NOP53: variants seen among roughly 807,000 people sequenced by gnomAD.
The protein encoded by NOP53 is ribosome biogenesis protein NOP53.
A neutral mutation model predicts 61.0 loss-of-function variants in NOP53; 40 were observed. That is an observed-to-expected ratio of 0.66 (90% CI 0.51 to 0.85). NOP53 has a LOEUF of 0.85. NOP53 is among the 40% of genes least tolerant of loss of function. The pLI is 0.00. For synonymous variants in NOP53, 308 were observed against 289.5 expected, an observed-to-expected ratio of 1.06 and a Z score of -0.65; for missense variants, 689 against 652.9, an observed-to-expected ratio of 1.06 and a Z score of -0.60.
chr19:47,751,415 G>T, intron 4 of NOP53, 105 bp from the exon 5 acceptor site: 1 of 865,236 alleles, frequency 1.2e-6, no homozygotes, highest in Non-Finnish European at 1.9e-6. Context: ...TCCCTTGCCT[G>T]AGCTTCAGGG....
intron 3 of NOP53, 70 bp downstream of exon 3, chr19:47,750,356 G>A (rs1049508440): frequency 3.2e-6 from 3 of 931,916 alleles, no homozygotes; most frequent in South Asian, 1.3e-5. Flanking sequence ...TCCGGGGCTG[G>A]GGGCTGGTAG....
At chr19:47,751,348 C>T (rs879612714) in intron 4 of NOP53, 172 bp from the exon 5 acceptor site, 26 of 644,766 alleles carry the variant, frequency 4.0e-5, no homozygotes, top group Admixed American at 1.4e-4. Context: ...TTTCTGAACC[C>T]GTCCAGACAC....
In NOP53 at chr19:47,745,567, C is replaced by G. The variant is rs770656655; in HGVS notation, c.8C>G (p.Ala3Gly). Reference protein sequence around the residue: MAAGGSGVGGKRS... With the variant: MAGGGSGVGGKRS... Reference sequence around the variant, plus strand: ...AGTTCTTCCTTTGACAAGATGGCGGCAGGAGGCAGTGGCGTTGGTGGGAAG... The same window carrying G: ...AGTTCTTCCTTTGACAAGATGGCGGGAGGAGGCAGTGGCGTTGGTGGGAAG... Residue 3 changes from alanine (A) to glycine (G), a missense_variant, in exon 1 of 13, where the codon GCA becomes GGA. Ala to Gly is a moderately conservative substitution (Grantham distance 60). Transcript: ENST00000246802. 2 of 1,613,438 alleles carry G rather than the reference C, an allele frequency of 1.2e-6. No individual in the cohort carries two copies. Among genetic ancestry groups the G allele is most frequent in the Non-Finnish European group, 1.7e-6 (2 of 1,179,714 alleles).
intron 6 of NOP53, chr19:47,753,604 G>A (rs560246315): frequency 2.3e-4 from 35 of 152,276 alleles, no homozygotes; most frequent in African/African-American, 7.5e-4. Flanking sequence ...TCCTCATCTG[G>A]TAGAGAAAAG....
chr19:47,746,728 C>T (rs1332770583), intron 1 of NOP53: 1 of 397,622 alleles, frequency 2.5e-6, no homozygotes, highest in Non-Finnish European at 4.6e-6. Context: ...CTCTTGAACT[C>T]CTGACCTCAG....
chr19:47,751,349 G>A (rs1458900492), intron 4 of NOP53, 171 bp from the exon 5 acceptor site: 11 of 648,598 alleles, frequency 1.7e-5, no homozygotes, highest in Non-Finnish European at 3.0e-5. Context: ...TTCTGAACCC[G>A]TCCAGACACA....
chr19:47,755,686 AG>A, intron 9 of NOP53, 69 bp from the exon 10 acceptor site: 4 of 1,440,196 alleles, frequency 2.8e-6, no homozygotes, highest in South Asian at 2.4e-5. Context: ...CTTCTCCAGG[AG>A]GGGGCTTTGG....
chr19:47,754,296 G>C lies in NOP53; in HGVS notation c.766-231G>C. ...CTATCTCAAAAAAAAAATGTGAAGCGTGCAGGTCAGACTGCCTTCACAGAC... is the reference window on the plus strand; with the variant it reads ...CTATCTCAAAAAAAAAATGTGAAGCCTGCAGGTCAGACTGCCTTCACAGAC... On this transcript the variant is annotated intron_variant, in intron 6 of 12. Coordinates refer to ENST00000246802, the MANE Select transcript of NOP53 (RefSeq NM_015710.5). The surrounding 1 kb of genome is among the most constrained non-coding windows in gnomAD (Gnocchi z 4.2). 6 of 533,350 alleles carry C rather than the reference G, an allele frequency of 1.1e-5. No homozygotes were observed. Among genetic ancestry groups the C allele is most frequent in the Non-Finnish European group, 2.0e-5 (6 of 296,794 alleles). 33.0% of individuals were successfully genotyped at this position (533,350 alleles called of 1,614,324 possible).
At chr19:47,755,639 C>G in intron 9 of NOP53, 116 bp downstream of exon 9, 2 of 1,337,094 alleles carry the variant, frequency 1.5e-6, no homozygotes, top group Non-Finnish European at 2.1e-6. Flanking sequence ...GAGACCACCT[C>G]TTCCCCCACA....
In NOP53 at chr19:47,745,708, G is replaced by A. The variant is rs776036516; in HGVS notation, c.149G>A (p.Arg50Gln). The part of the protein sequence containing the change: ...GPRNKKRGWR[R>Q]LAQEPLGLEV... ...AGAAATAAGAAGCGGGGCTGGCGGC[G>A]GCTTGCTCAGGAGCCGCTGGGGCTG... is the stretch of plus-strand genomic sequence containing the variant. The change falls in exon 1 of 13, where the codon CGG becomes CAG. Residue 50 changes from arginine (R) to glutamine (Q), a missense_variant. Physicochemically the swap from Arg to Gln is conservative, Grantham distance 43. Coordinates refer to ENST00000246802, the MANE Select transcript of NOP53 (RefSeq NM_015710.5). The A allele has an allele frequency of 5.6e-6, 9 of 1,611,716 alleles. No individual in the cohort carries two copies. Among genetic ancestry groups the A allele is most frequent in the South Asian group, 2.2e-5 (2 of 91,002 alleles).
At position 47,755,373 on chromosome 19, in the gene NOP53, C is replaced by T. The variant is rs1411612954; in HGVS notation, c.1079C>T (p.Ala360Val). ...RLRVQQAALR[A>V]ARLRHQELFR... ...CGGGTACAGCAGGCCGCGTTGCGGG[C>T]CGCCCGGCTCCGGCACCAGGAGCTG... The change falls in exon 9 of 13, where the codon GCC (alanine) becomes GTC (valine). Residue 360 changes from alanine (A) to valine (V), a missense_variant. Physicochemically the swap from Ala to Val is moderately conservative, Grantham distance 64. Transcript: ENST00000246802. The T allele has an allele frequency of 6.6e-7, 1 of 1,519,744 alleles. No homozygotes were observed. The allele number at this position is 1,519,744 out of a possible 1,614,324, so 94.1% of individuals were successfully genotyped here.
At chr19:47,753,051 A>C in intron 6 of NOP53, 2 of 169,864 alleles carry the variant, frequency 1.2e-5, no homozygotes, top group Non-Finnish European at 2.6e-5. Flanking sequence ...ACAGTTATAT[A>C]TGGGCGAGGC....
intron 12 of NOP53, 93 bp from the exon 13 acceptor site, chr19:47,756,906 C>A (rs751896670): frequency 1.0e-4 from 162 of 1,574,614 alleles, no homozygotes; most frequent in Non-Finnish European, 1.3e-4. Context: ...TGGGAGGGTC[C>A]CCAAAGGGAA....
Position 47,745,763 on chromosome 19 carries a change from G to A in NOP53, c.204G>A (p.Arg68=). The change falls in exon 1 of 13, where the codon CGG becomes CGA. Residue 68 remains arginine (R), a synonymous_variant. Transcript: ENST00000246802. ...LEVDQFLEDV[R]LQERTSGGLL... ...TTGACCAGTTCCTGGAAGACGTGCGGCTACAGGAGCGCACGAGCGGGTACG... is the reference window on the plus strand; with the variant it reads ...TTGACCAGTTCCTGGAAGACGTGCGACTACAGGAGCGCACGAGCGGGTACG... The A allele has an allele frequency of 6.4e-7, 1 of 1,572,118 alleles. No homozygotes were observed. The highest frequency in any genetic ancestry group is 2.3e-5 in the East Asian group (1 of 44,158).
At position 47,756,527 on chromosome 19, in the gene NOP53, G is replaced by A; in HGVS notation, c.1297-1G>A. ...CTGAGGCCTCCCTCTCTGTCCTGTA[G>A]CCCGAGGGCAACATCCTTCGAGACC... is the stretch of plus-strand genomic sequence containing the variant. On this transcript the variant is annotated splice_acceptor_variant, in intron 10 of 12. Transcript: ENST00000246802. LOFTEE classifies it high-confidence loss of function. 1.2e-6 allele frequency: 2 copies of A among 1,613,546 alleles called. No homozygotes were observed. The highest frequency in any genetic ancestry group is 1.7e-6 in the Non-Finnish European group (2 of 1,179,700).
rs796532460 is a variant in NOP53 at position 47,748,000 on chromosome 19, G to A, written c.289+969G>A. Among the ~76,000 whole-genome samples the A allele has an allele frequency of 6.6e-5, 10 of 151,528 alleles. 1 individual carries two copies. The highest frequency in any genetic ancestry group is 2.2e-4 in the African/African-American group (9 of 41,320). ...TCTCTATGTTGGTCAGGCTGGTCTC[G>A]AACTCCTGACCTCAGGTGATCCGCC... On this transcript the variant is annotated intron_variant, in intron 2 of 12. Coordinates refer to ENST00000246802, the MANE Select transcript of NOP53 (RefSeq NM_015710.5).
intron 3 of NOP53, 128 bp from the exon 4 acceptor site, chr19:47,750,780 G>T: frequency 1.3e-6 from 1 of 745,056 alleles, no homozygotes; most frequent in Non-Finnish European, 2.3e-6. Flanking sequence ...AGGGGGCGGA[G>T]TGCCACCTTT....
rs1280436149 is a variant in NOP53, at chr19:47,750,959, G to A, written c.450G>A (p.Gln150=). 4 of 1,599,790 alleles carry A rather than the reference G, an allele frequency of 2.5e-6. No individual in the cohort carries two copies. The South Asian group carries it at 3.4e-5, about 14-fold the overall frequency. ...PNAKKLRRKE[Q]LWEKLAKQGE... ...CCAAGAAGCTCAGGCGGAAGGAGCA[G>A]CTATGGGAGAAGCTGGCCAAGCAGG... is the stretch of plus-strand genomic sequence containing the variant. The change falls in exon 4 of 13, where the codon CAG becomes CAA. Residue 150 remains glutamine (Q), a synonymous_variant. Coordinates refer to ENST00000246802, the MANE Select transcript of NOP53 (RefSeq NM_015710.5).
intron 1 of NOP53, chr19:47,746,370 TC>T (rs1967065324): frequency 6.6e-6 from 1 of 151,244 alleles, no homozygotes; most frequent in African/African-American, 2.4e-5. Context: ...TTTTCTTTTT[TC>T]TTTTTTTTTT....
Sources: gnomAD v4.1 joint callset for allele counts (sites outside exome capture counted in the v4.1 genomes callset) on GRCh38, gnomAD v4.1.1 for gene constraint, Gnocchi (gnomAD v3.1) non-coding constraint, MANE v1.5 for transcripts, NCBI Gene and HGNC (gene_info 2026-07-23, HGNC 2026-07-21) for gene names.